The following VPS54 variants were observed in gnomAD, a reference collection of about 807,000 sequenced individuals.
VPS54 encodes VPS54 subunit of GARP complex.
Under a neutral mutation model 121.5 loss-of-function variants are expected in VPS54, and 45 were observed. That is an observed-to-expected ratio of 0.37 (90% CI 0.29 to 0.47). The LOEUF is 0.47. Ranked by LOEUF, VPS54 falls within the 20% of genes least tolerant of loss-of-function variation. The pLI, the probability that VPS54 is intolerant of heterozygous loss-of-function variation, is 0.99. For missense variants in VPS54, 1,090 were observed against 1,131.4 expected (o/e 0.96, Z 0.52); for synonymous variants, 371 against 385.8 (o/e 0.96, Z 0.45).
At chr2:63,995,446 T>G (rs1677535275) in intron 1 of VPS54, among the ~76,000 whole-genome samples, 1 of 152,272 alleles carries the variant, frequency 6.6e-6, no homozygotes, top group African/African-American at 2.4e-5. Context: ...ATTAATGAAG[T>G]GTTACAGCGA....
At position 63,967,039 on chromosome 2, in the gene VPS54, A is replaced by G. The variant is rs373445334; in HGVS notation, c.493-1073T>C. Among the ~76,000 whole-genome samples the G allele has an allele frequency of 3.3e-5, 5 of 152,292 alleles. No individual in the cohort carries two copies. In the South Asian group the frequency reaches 8.3e-4, roughly 25 times the overall value. ...ATTTACCTCATACTTTATAGAAATT[A>G]TTTATTTAGTATGCATATCTCCCTC... On this transcript the variant is annotated intron_variant, in intron 5 of 22. Transcript: ENST00000272322.
At chr2:63,897,732 A>G in intron 21 of VPS54, 142 bp from the exon 22 acceptor site, 1 of 530,204 alleles carries the variant, frequency 1.9e-6, no homozygotes, top group Non-Finnish European at 3.2e-6. Context: ...CTCTGAAAGT[A>G]TTCTATTGCT....
chr2:63,981,509 G>A, intron 3 of VPS54, 137 bp downstream of exon 3: 1 of 952,240 alleles, frequency 1.1e-6, no homozygotes. Context: ...ATGCAACCCA[G>A]GACAGTACAA....
At chr2:63,919,343 TG>T (rs576096225) in intron 15 of VPS54, among the ~76,000 whole-genome samples, 8 of 152,092 alleles carry the variant, frequency 5.3e-5, no homozygotes, top group Non-Finnish European at 1.2e-4. Context: ...TGATTGCTTA[TG>T]TATTTTTTGG....
In VPS54 at chr2:63,933,673, A is replaced by G. The variant is rs755442196; in HGVS notation, c.1739T>C (p.Met580Thr). ...ATTTGGCAGTAGCCACTATACTCAC[A>G]TAATATCCACACCTCCTGGAATAGC... The part of the protein sequence containing the change: ...SSAIPGGVDI[M>T]VSEDMKLTDS... Residue 580 changes from methionine (M) to threonine (T), a missense_variant and splice_region_variant, in exon 12 of 23, where the codon ATG becomes ACG. Met to Thr is a moderately conservative substitution (Grantham distance 81). Coordinates refer to ENST00000272322, the MANE Select transcript of VPS54 (RefSeq NM_016516.3). The G allele has an allele frequency of 6.2e-7, 1 of 1,609,842 alleles. No individual in the cohort carries two copies. Among genetic ancestry groups the G allele is most frequent in the Admixed American group, 1.7e-5 (1 of 59,952 alleles).
In VPS54 at chr2:63,914,350, A is replaced by T. The variant is rs1018613990; in HGVS notation, c.2229-63T>A. On this transcript the variant is annotated intron_variant, in intron 16 of 22. Transcript: ENST00000272322. ...ACAAGAAAAATCAAAAGGATTTGGCATATAAAAATCAAATTACTTAATGGC... is the reference window on the plus strand; with the variant it reads ...ACAAGAAAAATCAAAAGGATTTGGCTTATAAAAATCAAATTACTTAATGGC... 6 of 1,155,258 alleles carry T rather than the reference A, an allele frequency of 5.2e-6. No homozygotes were observed. In the Admixed American group the frequency reaches 6.3e-5, roughly 12 times the overall value. 71.6% of individuals were successfully genotyped at this position (1,155,258 alleles called of 1,614,324 possible). A position where few individuals can be genotyped will look rare whatever the true frequency, so the allele number is the denominator to read the frequency against.
At chr2:63,976,739 A>G (rs1018890922) in intron 3 of VPS54, among the ~76,000 whole-genome samples, 14 of 152,016 alleles carry the variant, frequency 9.2e-5, no homozygotes, top group African/African-American at 3.1e-4. Context: ...ACTGTTCACA[A>G]TATTCTCTTA....
At chr2:64,001,388 GAT>G (rs1677871152) in intron 1 of VPS54, among the ~76,000 whole-genome samples, 1 of 152,154 alleles carries the variant, frequency 6.6e-6, no homozygotes, top group African/African-American at 2.4e-5. Context: ...TGATACCTAA[GAT>G]ACAAGACAAA....
At chr2:63,909,023 CATCTT>C (rs754017230) in intron 20 of VPS54, among the ~76,000 whole-genome samples, 3 of 152,182 alleles carry the variant, frequency 2.0e-5, no homozygotes, top group Non-Finnish European at 4.4e-5. Context: ...CATTTGCCCT[CATCTT>C]ATCTATCCTT....
At chr2:63,913,009 T>C (rs114473643) in intron 18 of VPS54, among the ~76,000 whole-genome samples, 1 of 152,314 alleles carries the variant, frequency 6.6e-6, no homozygotes, top group African/African-American at 2.4e-5. Flanking sequence ...AACTTCCAAG[T>C]AACTTATACT....
intron 1 of VPS54, among the ~76,000 whole-genome samples, chr2:63,995,574 G>A (rs1677542805): frequency 1.3e-5 from 2 of 152,222 alleles, no homozygotes; most frequent in Non-Finnish European, 2.9e-5. Context: ...TATTCAAACA[G>A]CTCATTTTGT....
chr2:63,976,689 TG>T (rs767017387), intron 3 of VPS54, among the ~76,000 whole-genome samples: 2 of 152,122 alleles, frequency 1.3e-5, no homozygotes, highest in Non-Finnish European at 2.9e-5. Context: ...CAAAATAAAT[TG>T]GTCCATTTCA....
chr2:63,924,603 G>A (rs1673808263), intron 12 of VPS54, among the ~76,000 whole-genome samples: 1 of 152,140 alleles, frequency 6.6e-6, no homozygotes, highest in Non-Finnish European at 1.5e-5. Context: ...AGGATCACTT[G>A]AGGCCAGGAG....
intron 13 of VPS54, 139 bp downstream of exon 13, chr2:63,921,067 C>A: frequency 1.2e-6 from 1 of 825,746 alleles, no homozygotes. Context: ...CCCTAGTAGA[C>A]CACATCAGTG....
intron 11 of VPS54, among the ~76,000 whole-genome samples, chr2:63,934,555 T>C (rs1674365278): frequency 6.6e-6 from 1 of 152,162 alleles, no homozygotes; most frequent in Non-Finnish European, 1.5e-5. Context: ...CACCTTGATC[T>C]TTGCACATAT....
At chr2:63,970,569 G>A (rs1200245727) in intron 4 of VPS54, among the ~76,000 whole-genome samples, 1 of 152,010 alleles carries the variant, frequency 6.6e-6, no homozygotes, top group African/African-American at 2.4e-5. Flanking sequence ...AATGCTCTAA[G>A]ATCTCCTGAT....
rs796926451 is a variant in VPS54, at chr2:63,987,416, T to C, written c.-20-3397A>G. Reference sequence around the variant, plus strand: ...ACTTGGTTCCACTGTTCTATGTGTCTGGTTATATGCCAATACGTTGTATAA... The same window carrying C: ...ACTTGGTTCCACTGTTCTATGTGTCCGGTTATATGCCAATACGTTGTATAA... On this transcript the variant is annotated intron_variant, in intron 1 of 22. Coordinates refer to ENST00000272322, the MANE Select transcript of VPS54 (RefSeq NM_016516.3). Among the ~76,000 whole-genome samples, 14 of 152,342 alleles carry C rather than the reference T, an allele frequency of 9.2e-5. 1 individual carries two copies. Among genetic ancestry groups the C allele is most frequent in the African/African-American group, 3.1e-4 (13 of 41,594 alleles).
rs1294001620 is a variant in VPS54 at position 63,933,889 on chromosome 2, A to T, written c.1523T>A (p.Val508Glu). The T allele has an allele frequency of 6.2e-7, 1 of 1,613,662 alleles. No individual in the cohort carries two copies. Among genetic ancestry groups the T allele is most frequent in the African/African-American group, 1.3e-5 (1 of 74,894 alleles). ...CATGCCTTCATGGATTAAATAAGCC[A>T]CCTCTGTGTCCAGTGAATTATCTTT... is the stretch of plus-strand genomic sequence containing the variant. ...AAKDNSLDTE[V>E]AYLIHEGMFI... Residue 508 changes from valine to glutamate, a missense_variant, in exon 12 of 23, where the codon GTG becomes GAG. By Grantham distance (121) the Val-to-Glu change is moderately radical. Transcript: ENST00000272322.
rs1221052601 is a variant in VPS54 at position 63,892,726 on chromosome 2, G to T, written c.*704C>A. Reference sequence around the variant, plus strand: ...ATTTAGTTGCATAAATAGATGCCAGGATCTTTTTTTTTAAGTATTAATTAC... The same window carrying T: ...ATTTAGTTGCATAAATAGATGCCAGTATCTTTTTTTTTAAGTATTAATTAC... On this transcript the variant is annotated 3_prime_UTR_variant, in exon 23 of 23. Coordinates refer to ENST00000272322, the MANE Select transcript of VPS54 (RefSeq NM_016516.3). The T allele has an allele frequency of 1.7e-5, 1 of 58,748 alleles. No individual in the cohort carries two copies. The highest frequency in any genetic ancestry group is 1.2e-4 in the African/African-American group (1 of 8,644). 3.6% of individuals were successfully genotyped at this position (58,748 alleles called of 1,614,324 possible).
Sources: gnomAD v4.1 joint callset for allele counts (sites outside exome capture counted in the v4.1 genomes callset) on GRCh38, gnomAD v4.1.1 for gene constraint, MANE v1.5 for transcripts, NCBI Gene and HGNC (gene_info 2026-07-23, HGNC 2026-07-21) for gene names.